CNOT1: variants seen among roughly 807,000 people sequenced by gnomAD.
The protein encoded by CNOT1 is CCR4-associated factor 1.
CNOT1 carries 15 observed loss-of-function variants against 273.8 expected under a neutral mutation model. That is an observed-to-expected ratio of 0.05 (90% CI 0.04 to 0.08). The LOEUF is 0.08. Among genes scored for constraint, CNOT1 ranks in the 10% least tolerant of loss-of-function variants. CNOT1 has a pLI of 1.00. For synonymous variants in CNOT1, 1,022 were observed against 1,005.5 expected, an observed-to-expected ratio of 1.02 and a Z score of -0.31; for missense variants, 1,644 against 2,912.2, an observed-to-expected ratio of 0.56 and a Z score of 10.02.
At position 58,547,801 on chromosome 16, in the gene CNOT1, C is replaced by A; in HGVS notation, c.3523-119G>T. ...ACAAGTCATCATTTCTAAGAACAGGCCCCAAAGTAGAATTACTCTGTATAT... is the reference window on the plus strand; with the variant it reads ...ACAAGTCATCATTTCTAAGAACAGGACCCAAAGTAGAATTACTCTGTATAT... On this transcript the variant is annotated intron_variant, in intron 25 of 48. Coordinates refer to ENST00000317147, the MANE Select transcript of CNOT1 (RefSeq NM_016284.5). This position sits in a 1 kb window ranked among gnomAD's most constrained non-coding sequence, Gnocchi z 4.0. The A allele has an allele frequency of 2.1e-6, 2 of 946,242 alleles. No individual in the cohort carries two copies. The highest frequency in any genetic ancestry group is 3.0e-6 in the Non-Finnish European group (2 of 659,984). The allele number at this position is 946,242 out of a possible 1,614,324, so 58.6% of individuals were successfully genotyped here.
chr16:58,585,299 A>C (rs372905898), intron 8 of CNOT1, 39 bp downstream of exon 8: 8 of 1,607,898 alleles, frequency 5.0e-6, no homozygotes, highest in Middle Eastern at 1.6e-4. Context: ...CATGTTTGGC[A>C]CAAGAATAAT....
intron 1 of CNOT1, among the ~76,000 whole-genome samples, chr16:58,615,810 A>G (rs557132305): frequency 8.0e-6 from 1 of 125,080 alleles, no homozygotes; most frequent in African/African-American, 2.7e-5. Context: ...GGCCAGACAC[A>G]GTAGCTCGCA....
At chr16:58,627,748 G>A (rs1165094767) in intron 1 of CNOT1, among the ~76,000 whole-genome samples, 1 of 152,046 alleles carries the variant, frequency 6.6e-6, no homozygotes, top group Non-Finnish European at 1.5e-5. Context: ...CCACAAAACC[G>A]TACCTTAAAA....
intron 1 of CNOT1, among the ~76,000 whole-genome samples, chr16:58,625,444 G>A (rs926727486): frequency 1.3e-4 from 19 of 151,822 alleles, no homozygotes; most frequent in Admixed American, 7.9e-4. Context: ...CCCAGGAGCC[G>A]GAGGTTGCAC....
intron 35 of CNOT1, among the ~76,000 whole-genome samples, chr16:58,539,329 C>CA (rs1245569891): frequency 6.6e-6 from 1 of 151,884 alleles, no homozygotes; most frequent in East Asian, 1.9e-4. Flanking sequence ...CCTGTCTCTA[C>CA]AAAAAAATTA....
At chr16:58,572,664 T>C (rs1213517816) in intron 16 of CNOT1, among the ~76,000 whole-genome samples, 4 of 151,852 alleles carry the variant, frequency 2.6e-5, no homozygotes, top group Non-Finnish European at 4.4e-5. Flanking sequence ...CCCAGCAACT[T>C]TGGGAGGCCA....
At chr16:58,622,558 TA>T (rs2043389539) in intron 1 of CNOT1, among the ~76,000 whole-genome samples, 1 of 152,102 alleles carries the variant, frequency 6.6e-6, no homozygotes, top group Non-Finnish European at 1.5e-5. Flanking sequence ...GTTCTGAATA[TA>T]AAGCTTAAGA....
At chr16:58,622,869 A>AAGAC (rs1186911476) in intron 1 of CNOT1, among the ~76,000 whole-genome samples, 2 of 151,868 alleles carry the variant, frequency 1.3e-5, no homozygotes, top group Non-Finnish European at 2.9e-5. Context: ...AAAAGAAAGA[A>AAGAC]AGAAAAAGAA....
At chr16:58,530,780 A>AT (rs1407107571) in intron 42 of CNOT1, 1 of 116,822 alleles carries the variant, frequency 8.6e-6, no homozygotes, top group African/African-American at 5.0e-5. Flanking sequence ...GCAAAACTCC[A>AT]TCAAAAAAAA....
Position 58,574,681 on chromosome 16 carries a change from T to A in CNOT1, c.1907A>T (p.Asp636Val). ...AGGAAGTTGAGCACTTTTGGGCTGG[T>A]CTTTTTCTGGGGCAAGTCCGCCCAA... ...SILGGLAPEK[D>V]QPKSAQLPPE... The change falls in exon 16 of 49, where the codon GAC (aspartate) becomes GTC (valine). Residue 636 changes from aspartate (D) to valine (V), a missense_variant. This residue lies in a region of CNOT1 where 706 missense variants were observed against 1,021.2 expected (regional missense o/e 0.69). Coordinates refer to ENST00000317147, the MANE Select transcript of CNOT1 (RefSeq NM_016284.5). 6.2e-7 allele frequency: 1 copy of A among 1,610,294 alleles called. No individual in the cohort carries two copies. Among genetic ancestry groups the A allele is most frequent in the Non-Finnish European group, 8.5e-7 (1 of 1,179,386 alleles).
chr16:58,595,420 CA>C (rs57122392), intron 2 of CNOT1, among the ~76,000 whole-genome samples: 2,269 of 102,840 alleles, frequency 0.022, 37 homozygotes, highest in African/African-American at 0.064. Context: ...TTTTCCATCT[CA>C]AAAAAAAAAA....
chr16:58,525,571 G>A (rs182539109), intron 45 of CNOT1, among the ~76,000 whole-genome samples: 14 of 152,324 alleles, frequency 9.2e-5, no homozygotes, highest in Admixed American at 2.6e-4. Flanking sequence ...TCAGGAAGCC[G>A]AAGCTCAAGG....
intron 45 of CNOT1, 33 bp downstream of exon 45, chr16:58,525,956 G>A (rs777919146): frequency 3.1e-6 from 5 of 1,598,598 alleles, no homozygotes; most frequent in East Asian, 2.2e-5. Flanking sequence ...TTATATGGAA[G>A]ACGTAGATGA....
chr16:58,574,170 G>C (rs1180896173), intron 16 of CNOT1, among the ~76,000 whole-genome samples: 1 of 151,956 alleles, frequency 6.6e-6, no homozygotes, highest in Admixed American at 6.6e-5. Flanking sequence ...CCAGGTACTT[G>C]GGAGGTTGAG....
chr16:58,622,971 G>T (rs992173599), intron 1 of CNOT1, among the ~76,000 whole-genome samples: 1 of 152,094 alleles, frequency 6.6e-6, no homozygotes. Flanking sequence ...GCCAAGGCAG[G>T]CAGATCACCT....
At chr16:58,578,452 CA>C (rs61105275) in intron 13 of CNOT1, among the ~76,000 whole-genome samples, 4,022 of 103,020 alleles carry the variant, frequency 0.039, 65 homozygotes, top group African/African-American at 0.077. Flanking sequence ...GACACCATCT[CA>C]AAAAAAAAAA....
chr16:58,555,725 A>G, intron 20 of CNOT1, 59 bp downstream of exon 20: 3 of 1,599,974 alleles, frequency 1.9e-6, no homozygotes, highest in Non-Finnish European at 2.6e-6. Flanking sequence ...AACATTGAAA[A>G]GGACATTTAT....
chr16:58,602,377 C>T (rs2042497639), intron 1 of CNOT1, among the ~76,000 whole-genome samples: 1 of 151,908 alleles, frequency 6.6e-6, no homozygotes, highest in South Asian at 2.1e-4. Context: ...GGCCTACTAA[C>T]AGTCTCATGG....
In CNOT1 at chr16:58,588,397, G is replaced by C. The variant is rs182350035; in HGVS notation, c.210+402C>G. ...TCATTACACTACTCAAAGTCTATTA[G>C]CAGCAAAACTTCCAGAAAATAAGAG... On this transcript the variant is annotated intron_variant, in intron 3 of 48. Transcript: ENST00000317147. Among the ~76,000 whole-genome samples the C allele has an allele frequency of 2.6e-5, 4 of 152,154 alleles. No homozygotes were observed. In the East Asian group the frequency reaches 7.7e-4, roughly 29 times the overall value.
Sources: allele counts gnomAD v4.1 joint callset (sites outside exome capture counted in the v4.1 genomes callset), GRCh38; gene constraint gnomAD v4.1.1; regional missense constraint gnomAD v4.1.1; non-coding constraint Gnocchi (gnomAD v3.1); transcripts MANE v1.5; gene names NCBI Gene and HGNC (gene_info 2026-07-23, HGNC 2026-07-21).